Variants in UNC79 observed in about 807,000 individuals in gnomAD.
UNC79 encodes unc-79 subunit of NALCN channel complex.
UNC79 carries 37 observed loss-of-function variants against 283.1 expected under a neutral mutation model. The observed-to-expected ratio is 0.13, with a 90% CI of 0.10 to 0.17. The LOEUF (loss-of-function observed/expected upper bound fraction) is 0.17. Among genes scored for constraint, UNC79 ranks in the 10% least tolerant of loss-of-function variants. The pLI is 1.00. For synonymous variants in UNC79, 1,107 were observed against 1,200.2 expected (o/e 0.92, Z 1.61); for missense variants, 2,272 against 3,211.1 (o/e 0.71, Z 7.07).
At chr14:93,534,985 T>A (rs1416908972) in intron 11 of UNC79, among the ~76,000 whole-genome samples, 4 of 152,246 alleles carry the variant, frequency 2.6e-5, no homozygotes. Flanking sequence ...GTATTCTACC[T>A]CTTTGTACTG....
At chr14:93,339,480 T>C (rs919111485) in intron 1 of UNC79, among the ~76,000 whole-genome samples, 5 of 152,178 alleles carry the variant, frequency 3.3e-5, no homozygotes, top group Non-Finnish European at 7.4e-5. Flanking sequence ...TTTGTATTTT[T>C]AGTAGAGACG....
chr14:93,376,445 A>T (rs58681448), intron 1 of UNC79, among the ~76,000 whole-genome samples: 2,074 of 152,358 alleles, frequency 0.014, 53 homozygotes, highest in African/African-American at 0.047. Flanking sequence ...GAAGAAAAAA[A>T]AATCACAGGG....
At chr14:93,394,216 C>T (rs991369363) in intron 1 of UNC79, among the ~76,000 whole-genome samples, 23 of 152,068 alleles carry the variant, frequency 1.5e-4, no homozygotes, top group Admixed American at 1.4e-3. Context: ...ATGTTTCACA[C>T]ACATTGTAAT....
At chr14:93,600,626 A>G (rs1431189045) in exon 25 of UNC79, 4 of 1,613,668 alleles carry the variant, frequency 2.5e-6, no homozygotes, top group South Asian at 2.2e-5. Flanking sequence ...CAGACCCACA[A>G]TTTTGAGCAA....
At chr14:93,377,420 G>C (rs150243607) in intron 1 of UNC79, among the ~76,000 whole-genome samples, 1 of 152,032 alleles carries the variant, frequency 6.6e-6, no homozygotes, top group East Asian at 1.9e-4. Flanking sequence ...TAAAGAAAAC[G>C]GTGATGTACT....
intron 31 of UNC79, among the ~76,000 whole-genome samples, chr14:93,632,010 G>A (rs1001004579): frequency 9.8e-5 from 15 of 152,324 alleles, no homozygotes; most frequent in South Asian, 2.1e-4. Context: ...CAACACATGC[G>A]TGATAGATGT....
chr14:93,680,155 A>G (rs2073724932), intron 41 of UNC79, among the ~76,000 whole-genome samples: 1 of 152,206 alleles, frequency 6.6e-6, no homozygotes, highest in Admixed American at 6.5e-5. Context: ...GTTCTCATAA[A>G]TCAGACAGTT....
At chr14:93,561,927 G>A (rs896492812) in intron 14 of UNC79, among the ~76,000 whole-genome samples, 21 of 152,288 alleles carry the variant, frequency 1.4e-4, no homozygotes, top group Admixed American at 8.5e-4. Context: ...TTTTTGGGGC[G>A]CAGTCCAAGT....
At chr14:93,406,029 T>C (rs771403625) in intron 1 of UNC79, among the ~76,000 whole-genome samples, 1 of 152,200 alleles carries the variant, frequency 6.6e-6, no homozygotes, top group Non-Finnish European at 1.5e-5. Flanking sequence ...CTGATCACCA[T>C]TCACCTAAAC....
exon 25 of UNC79, chr14:93,600,637 G>A (rs761543217): frequency 1.9e-6 from 3 of 1,613,590 alleles, no homozygotes; most frequent in South Asian, 1.1e-5. Flanking sequence ...TTTTGAGCAA[G>A]CTTTTACTCT....
chr14:93,535,540 G>C (rs2061027373), intron 11 of UNC79, among the ~76,000 whole-genome samples: 1 of 152,162 alleles, frequency 6.6e-6, no homozygotes, highest in Admixed American at 6.5e-5. Context: ...GCATGATGGA[G>C]ATAGCTTGTC....
Position 93,599,382 on chromosome 14 carries a change from G to GTGTGTGTGTT in UNC79, c.3373-1184_3373-1183insGTGTGTTTGT, listed in dbSNP as rs1055178710. 1.4e-3 allele frequency among the ~76,000 whole-genome samples: 208 copies of GTGTGTGTGTT among 151,238 alleles called. 1 individual carries two copies. Among genetic ancestry groups the GTGTGTGTGTT allele is most frequent in the African/African-American group, 4.9e-3 (200 of 40,862 alleles). The stretch of plus-strand genomic sequence containing the variant: ...TGTGTGTGTGTGTGTGTGTGTGTGT[G>GTGTGTGTGTT]TGTATGTGTGCATACACTGTCTCCC... On this transcript the variant is annotated intron_variant, in intron 24 of 48. Transcript: ENST00000555664.
chr14:93,649,465 A>G (rs2070000862), intron 35 of UNC79, among the ~76,000 whole-genome samples: 2 of 152,110 alleles, frequency 1.3e-5, no homozygotes, highest in South Asian at 4.1e-4. Context: ...ATTTTTTTGG[A>G]TGTATTTCAG....
rs112343824 is a variant in UNC79, at chr14:93,542,415, T to C, written c.1525-51T>C. 1.3e-5 allele frequency: 20 copies of C among 1,547,168 alleles called. 2 individuals carry two copies. In the African/African-American group the frequency reaches 1.6e-4, roughly 13 times the overall value. ...TGCCTCTTAATGCACCTATAATAAT[T>C]TTGTAAAGATGGATGGAAGCCGAAC... is the stretch of plus-strand genomic sequence containing the variant. On this transcript the variant is annotated intron_variant, in intron 13 of 48. Coordinates refer to ENST00000555664, the Ensembl canonical transcript of UNC79.
In UNC79 at chr14:93,621,472, T is replaced by G. The variant is rs2067127557; in HGVS notation, c.4388-149T>G. 1.9e-6 allele frequency: 2 copies of G among 1,044,624 alleles called. No individual in the cohort carries two copies. The highest frequency in any genetic ancestry group is 2.6e-6 in the Non-Finnish European group (2 of 767,318). The allele number at this position is 1,044,624 out of a possible 1,614,324, so 64.7% of individuals were successfully genotyped here. On this transcript the variant is annotated intron_variant, in intron 29 of 48. Transcript: ENST00000555664. The surrounding 1 kb of genome is among the most constrained non-coding windows in gnomAD (Gnocchi z 4.8). Reference sequence around the variant, plus strand: ...CCAGTTTTTGAAATTAGAACGAACCTTACAAAAACTTGGCCAGAAAGTTCG... The same window carrying G: ...CCAGTTTTTGAAATTAGAACGAACCGTACAAAAACTTGGCCAGAAAGTTCG...
chr14:93,543,417 T>A (rs781182701), intron 14 of UNC79, among the ~76,000 whole-genome samples: 6 of 151,250 alleles, frequency 4.0e-5, no homozygotes, highest in Admixed American at 2.0e-4. Flanking sequence ...TCTCACTTTG[T>A]CACCCAGGAT....
At chr14:93,482,859 C>A (rs2058211240) in intron 4 of UNC79, among the ~76,000 whole-genome samples, 1 of 152,192 alleles carries the variant, frequency 6.6e-6, no homozygotes. Flanking sequence ...CATGCCACTT[C>A]CTTCAGCAAA....
At chr14:93,503,645 G>C (rs2059399180) in intron 7 of UNC79, among the ~76,000 whole-genome samples, 1 of 151,942 alleles carries the variant, frequency 6.6e-6, no homozygotes, top group African/African-American at 2.4e-5. Flanking sequence ...GCATTTCCCT[G>C]ATTACTAGTG....
intron 9 of UNC79, among the ~76,000 whole-genome samples, chr14:93,528,905 C>A (rs182367908): frequency 6.6e-6 from 1 of 152,120 alleles, no homozygotes; most frequent in African/African-American, 2.4e-5. Context: ...TTTGGAGTAA[C>A]CCTGTTAAAA....
Sources: allele counts gnomAD v4.1 joint callset (sites outside exome capture counted in the v4.1 genomes callset), GRCh38; gene constraint gnomAD v4.1.1; non-coding constraint Gnocchi (gnomAD v3.1); transcripts MANE v1.5; gene names NCBI Gene and HGNC (gene_info 2026-07-23, HGNC 2026-07-21).